NEGR1: variants seen among roughly 807,000 people sequenced by gnomAD.
NEGR1 encodes the protein neuronal growth regulator 1, also known as IgLON family member 4.
Under a neutral mutation model 40.9 loss-of-function variants are expected in NEGR1, and 10 were observed. The ratio of observed to expected loss-of-function variants is 0.24; its 90% CI spans 0.15 to 0.42. NEGR1 has a LOEUF of 0.42. Among genes scored for constraint, NEGR1 ranks in the 10% least tolerant of loss-of-function variants. The probability of loss-of-function intolerance (pLI) is 1.00; values close to 1 mark genes in which losing one functional copy is unlikely to be tolerated. For synonymous variants in NEGR1, 185 were observed against 166.8 expected, an observed-to-expected ratio of 1.11 and a Z score of -0.84; for missense variants, 352 against 438.9, an observed-to-expected ratio of 0.80 and a Z score of 1.77.
chr1:72,021,705 T>C (rs1178899051), intron 1 of NEGR1, among the ~76,000 whole-genome samples: 1 of 152,172 alleles, frequency 6.6e-6, no homozygotes, highest in Non-Finnish European at 1.5e-5. Context: ...AGGAGAACAT[T>C]GAAAATTTCT....
intron 4 of NEGR1, among the ~76,000 whole-genome samples, chr1:71,619,842 A>G (rs1650555585): frequency 6.6e-6 from 1 of 152,112 alleles, no homozygotes; most frequent in Non-Finnish European, 1.5e-5. Context: ...CTGCAGGTGC[A>G]AGAAACAGAA....
chr1:71,714,089 A>G (rs1331993331), intron 3 of NEGR1, among the ~76,000 whole-genome samples: 2 of 152,172 alleles, frequency 1.3e-5, no homozygotes, highest in African/African-American at 2.4e-5. Flanking sequence ...ACAGTTCCAC[A>G]TGGCTGGGGA....
At chr1:71,941,476 A>T (rs991307454) in intron 1 of NEGR1, among the ~76,000 whole-genome samples, 53 of 152,258 alleles carry the variant, frequency 3.5e-4, no homozygotes, top group African/African-American at 1.2e-3. Flanking sequence ...CTTATGATTG[A>T]CAATATTTAA....
At chr1:71,424,193 A>G (rs1452576271) in intron 6 of NEGR1, among the ~76,000 whole-genome samples, 10 of 152,200 alleles carry the variant, frequency 6.6e-5, no homozygotes, top group Non-Finnish European at 1.3e-4. Context: ...TCATAGACAT[A>G]AGGTTAAGTG....
chr1:72,194,458 T>C (rs1188229297), intron 1 of NEGR1, among the ~76,000 whole-genome samples: 2 of 151,978 alleles, frequency 1.3e-5, no homozygotes, highest in Admixed American at 6.6e-5. Context: ...ACAGCAAACA[T>C]GCTCAGGAAA....
At chr1:72,082,555 G>T (rs1648046300) in intron 1 of NEGR1, among the ~76,000 whole-genome samples, 1 of 151,880 alleles carries the variant, frequency 6.6e-6, no homozygotes, top group Admixed American at 6.6e-5. Context: ...CTGGAAGAAA[G>T]GAAATCTTCA....
intron 6 of NEGR1, among the ~76,000 whole-genome samples, chr1:71,410,503 G>A (rs574017660): frequency 6.6e-6 from 1 of 152,100 alleles, no homozygotes; most frequent in South Asian, 2.1e-4. Flanking sequence ...GAACATTAGG[G>A]TATATGGAAC....
chr1:71,898,983 T>TATATATATATATATATATATAGC (rs1661064830), intron 2 of NEGR1, among the ~76,000 whole-genome samples: 1 of 32,162 alleles, frequency 3.1e-5, no homozygotes, highest in Middle Eastern at 0.033. Flanking sequence ...ATATATAGCA[T>TATATATATATATATATATATAGC]ATATATATAT....
intron 1 of NEGR1, among the ~76,000 whole-genome samples, chr1:72,061,409 A>G (rs1557506673): frequency 6.6e-6 from 1 of 151,698 alleles, no homozygotes; most frequent in Non-Finnish European, 1.5e-5. Flanking sequence ...ATTTAATGGG[A>G]TTTTTTTCCA....
chr1:71,930,494 ACTCTT>A (rs1253708411), intron 2 of NEGR1, among the ~76,000 whole-genome samples: 2 of 151,934 alleles, frequency 1.3e-5, no homozygotes, highest in Non-Finnish European at 2.9e-5. Context: ...ACTGCATCCT[ACTCTT>A]CTCTTGTTTA....
intron 2 of NEGR1, among the ~76,000 whole-genome samples, chr1:71,860,557 T>G (rs1453833048): frequency 6.6e-6 from 1 of 151,982 alleles, no homozygotes; most frequent in Non-Finnish European, 1.5e-5. Flanking sequence ...TGAAAAATCA[T>G]TATATTAGAA....
At chr1:72,154,646 C>T (rs183563738) in intron 1 of NEGR1, among the ~76,000 whole-genome samples, 33 of 152,134 alleles carry the variant, frequency 2.2e-4, no homozygotes, top group African/African-American at 7.5e-4. Context: ...AGAATATGAA[C>T]ATGTGCATTC....
intron 6 of NEGR1, among the ~76,000 whole-genome samples, chr1:71,557,087 A>G (rs1024040014): frequency 6.6e-6 from 1 of 151,658 alleles, no homozygotes; most frequent in Non-Finnish European, 1.5e-5. Flanking sequence ...CTTTCCCACT[A>G]CAGCCACCCA....
intron 4 of NEGR1, among the ~76,000 whole-genome samples, chr1:71,618,583 C>T (rs538424626): frequency 5.3e-4 from 81 of 152,094 alleles, no homozygotes; most frequent in African/African-American, 1.8e-3. Flanking sequence ...TGTCTAGTTG[C>T]AAGAAAACAC....
At chr1:71,791,548 C>A (rs1187743539) in intron 2 of NEGR1, among the ~76,000 whole-genome samples, 1 of 151,954 alleles carries the variant, frequency 6.6e-6, no homozygotes, top group African/African-American at 2.4e-5. Flanking sequence ...ATATAAGATA[C>A]ATTTAAAGTT....
At position 72,282,477 on chromosome 1, in the gene NEGR1, C is replaced by G. The variant is rs138829805; in HGVS notation, c.18G>C (p.Leu6Phe). MDMMLLVQGACCSNQW... is the reference protein window; with the variant it reads MDMMLFVQGACCSNQW... ...GGTTCGAGCAACAAGCACCCTGCAC[C>G]AACAGCATCATGTCCATCCCTGCTA... Residue 6 changes from leucine (L) to phenylalanine (F), a missense_variant, in exon 1 of 7, where the codon TTG becomes TTC. By Grantham distance (22) the Leu-to-Phe change is conservative. Transcript: ENST00000357731. The G allele has an allele frequency of 9.3e-6, 15 of 1,613,012 alleles. No individual in the cohort carries two copies. Among genetic ancestry groups the G allele is most frequent in the Admixed American group, 8.3e-5 (5 of 59,964 alleles).
chr1:71,907,439 A>C (rs1172735330), intron 2 of NEGR1, among the ~76,000 whole-genome samples: 3 of 152,210 alleles, frequency 2.0e-5, no homozygotes, highest in Non-Finnish European at 4.4e-5. Context: ...TGGGAAATGC[A>C]AATCAAAACC....
intron 6 of NEGR1, among the ~76,000 whole-genome samples, chr1:71,489,405 T>C (rs1646909970): frequency 6.6e-6 from 1 of 151,946 alleles, no homozygotes; most frequent in Non-Finnish European, 1.5e-5. Context: ...CTTATTGATG[T>C]TGTAACTCCT....
intron 5 of NEGR1, among the ~76,000 whole-genome samples, chr1:71,601,344 A>T (rs1649913588): frequency 6.6e-6 from 1 of 152,230 alleles, no homozygotes; most frequent in Non-Finnish European, 1.5e-5. Context: ...ATGTGGAGAA[A>T]AGGGTATGCT....
Sources: gnomAD v4.1 joint callset for allele counts (sites outside exome capture counted in the v4.1 genomes callset) on GRCh38, gnomAD v4.1.1 for gene constraint, MANE v1.5 for transcripts, NCBI Gene and HGNC (gene_info 2026-07-23, HGNC 2026-07-21) for gene names.